Variants in POM121C observed in about 807,000 individuals in gnomAD.
POM121C encodes the protein nuclear envelope pore membrane protein POM 121C.
POM121C carries 20 observed loss-of-function variants against 66.4 expected under a neutral mutation model. The ratio of observed to expected loss-of-function variants is 0.30; its 90% CI spans 0.21 to 0.44. The LOEUF is 0.44. Ranked by LOEUF, POM121C falls within the 20% of genes least tolerant of loss-of-function variation. The pLI is 1.00. For synonymous variants in POM121C, 286 were observed against 528.0 expected, an observed-to-expected ratio of 0.54 and a Z score of 6.28; for missense variants, 580 against 1,225.7, an observed-to-expected ratio of 0.47 and a Z score of 7.87.
chr7:75,424,660 A>G (rs1554471448), intron 10 of POM121C, 32 bp from the exon 11 acceptor site: 4 of 1,612,598 alleles, frequency 2.5e-6, no homozygotes, highest in Non-Finnish European at 2.5e-6. Context: ...AGTCAGGCCA[A>G]TCAGAAAAAA....
rs1554473927 is a variant in POM121C at position 75,441,221 on chromosome 7, T to G, written c.66-106A>C. ...ACAGGCCAAAGTATAATTTATACACTCACAACAGTTCCCCTTAGCAAGTAA... is the reference window on the plus strand; with the variant it reads ...ACAGGCCAAAGTATAATTTATACACGCACAACAGTTCCCCTTAGCAAGTAA... On this transcript the variant is annotated intron_variant, in intron 4 of 14. Coordinates refer to ENST00000615331, the MANE Select transcript of POM121C (RefSeq NM_001099415.3). 2.3e-5 allele frequency: 35 copies of G among 1,515,184 alleles called. No homozygotes were observed. In the South Asian group the frequency reaches 4.3e-4, roughly 19 times the overall value. 93.9% of individuals were successfully genotyped at this position (1,515,184 alleles called of 1,614,324 possible). A position where few individuals can be genotyped will look rare whatever the true frequency, so the allele number is the denominator to read the frequency against.
At chr7:75,454,453 G>A (rs1312121547) in intron 3 of POM121C, among the ~76,000 whole-genome samples, 7 of 152,172 alleles carry the variant, frequency 4.6e-5, no homozygotes, top group African/African-American at 1.7e-4. Context: ...ACTGGTGCAG[G>A]AGGAGAGAGA....
At chr7:75,439,662 A>G (rs1193583983) in intron 5 of POM121C, among the ~76,000 whole-genome samples, 4 of 152,180 alleles carry the variant, frequency 2.6e-5, no homozygotes, top group Admixed American at 1.3e-4. Flanking sequence ...TTAGGAGTAC[A>G]GGCATGCACC....
At chr7:75,456,411 G>A (rs1386290964) in intron 3 of POM121C, among the ~76,000 whole-genome samples, 1,249 of 147,366 alleles carry the variant, frequency 8.5e-3, no homozygotes, top group African/African-American at 0.031. Context: ...TCTCCTACAT[G>A]CTTGCCACAC....
At chr7:75,473,489 GA>G (rs1174126621) in intron 3 of POM121C, among the ~76,000 whole-genome samples, 3 of 152,124 alleles carry the variant, frequency 2.0e-5, no homozygotes, top group African/African-American at 7.2e-5. Context: ...GAGCATTGGG[GA>G]AAGAGGGGAA....
intron 3 of POM121C, among the ~76,000 whole-genome samples, chr7:75,461,874 CAAGGGA>C (rs1331434452): frequency 6.6e-6 from 1 of 151,168 alleles, no homozygotes; most frequent in Admixed American, 6.6e-5. Context: ...GAGTGAGTCG[CAAGGGA>C]AACTGGAAAA....
chr7:75,428,610 C>T (rs182232365), intron 7 of POM121C, among the ~76,000 whole-genome samples: 2 of 152,186 alleles, frequency 1.3e-5, no homozygotes, highest in Admixed American at 6.5e-5. Context: ...TAAAACAAAA[C>T]CATAAACCTT....
At chr7:75,456,549 C>A (rs1458536106) in intron 3 of POM121C, among the ~76,000 whole-genome samples, 5 of 152,174 alleles carry the variant, frequency 3.3e-5, no homozygotes, top group Non-Finnish European at 7.3e-5. Context: ...CTGGAGAGGT[C>A]GCACGAGCCA....
chr7:75,428,355 G>C (rs587739725), intron 7 of POM121C, among the ~76,000 whole-genome samples: 21 of 152,288 alleles, frequency 1.4e-4, no homozygotes, highest in African/African-American at 5.1e-4. Flanking sequence ...GGCCAGGATG[G>C]TCTTGATCTC....
At chr7:75,431,074 CAAAAAAAAAAAA>C (rs34253601) in intron 7 of POM121C, among the ~76,000 whole-genome samples, 77 of 59,726 alleles carry the variant, frequency 1.3e-3, no homozygotes, top group Non-Finnish European at 6.4e-4. Context: ...GACTCTGTCT[CAAAAAAAAAAAA>C]AAAAAAAAAA....
intron 3 of POM121C, among the ~76,000 whole-genome samples, chr7:75,468,126 T>TAAAAAAAAAAAAAAA (rs368723160): frequency 1.2e-4 from 8 of 64,354 alleles, no homozygotes; most frequent in Admixed American, 2.4e-4. Flanking sequence ...AGACTCTGTC[T>TAAAAAAAAAAAAAAA]AAAAAAAAAA....
intron 6 of POM121C, among the ~76,000 whole-genome samples, chr7:75,438,771 C>T (rs1790515957): frequency 6.6e-6 from 1 of 152,202 alleles, no homozygotes; most frequent in African/African-American, 2.4e-5. Flanking sequence ...TTTTGAGCCA[C>T]TTTCCTTTCC....
chr7:75,443,389 G>C (rs1790734080), intron 3 of POM121C, among the ~76,000 whole-genome samples: 1 of 152,202 alleles, frequency 6.6e-6, no homozygotes, highest in South Asian at 2.1e-4. Context: ...GTTGGCGGTT[G>C]CACCACCCTA....
In POM121C at chr7:75,449,875, C is replaced by T. The variant is rs183710414; in HGVS notation, c.-151-8228G>A. On this transcript the variant is annotated intron_variant, in intron 3 of 14. Transcript: ENST00000615331. Reference sequence around the variant, plus strand: ...ACTAAAAATACAAAAATTAGCCAGGCGTGGTGGCAGGTGCCTGTAATCCCA... The same window carrying T: ...ACTAAAAATACAAAAATTAGCCAGGTGTGGTGGCAGGTGCCTGTAATCCCA... Among the ~76,000 whole-genome samples, 912 of 152,106 alleles carry T rather than the reference C, an allele frequency of 6.0e-3. 21 individuals are homozygous for T. Among genetic ancestry groups the T allele is most frequent in the East Asian group, 0.042 (215 of 5,124 alleles).
chr7:75,476,290 CAA>C (rs11426718), intron 1 of POM121C, among the ~76,000 whole-genome samples: 8 of 116,502 alleles, frequency 6.9e-5, no homozygotes, highest in Middle Eastern at 4.6e-3. Flanking sequence ...GACCTTGTCT[CAA>C]AAAAAAAAAA....
At chr7:75,450,097 T>TGTAA (rs1554475391) in intron 3 of POM121C, among the ~76,000 whole-genome samples, 1 of 152,126 alleles carries the variant, frequency 6.6e-6, no homozygotes, top group Non-Finnish European at 1.5e-5. Flanking sequence ...GGCAGCTATC[T>TGTAA]GCAAGCCAAT....
chr7:75,431,074 C>CAA (rs34253601), intron 7 of POM121C, among the ~76,000 whole-genome samples: 18 of 59,710 alleles, frequency 3.0e-4, no homozygotes, highest in East Asian at 6.2e-4. Context: ...GACTCTGTCT[C>CAA]AAAAAAAAAA....
chr7:75,433,836 G>A (rs587760852), intron 7 of POM121C, among the ~76,000 whole-genome samples: 1 of 152,258 alleles, frequency 6.6e-6, no homozygotes, highest in East Asian at 1.9e-4. Context: ...CCAGCTCCCT[G>A]AAAAGATAAC....
intron 7 of POM121C, among the ~76,000 whole-genome samples, chr7:75,433,629 G>C (rs1554472670): frequency 6.6e-6 from 1 of 152,140 alleles, no homozygotes; most frequent in African/African-American, 2.4e-5. Flanking sequence ...AAAGTGCTGG[G>C]ATTACAGGCG....
Sources: gnomAD v4.1 joint callset for allele counts (sites outside exome capture counted in the v4.1 genomes callset) on GRCh38, gnomAD v4.1.1 for gene constraint, MANE v1.5 for transcripts, NCBI Gene and HGNC (gene_info 2026-07-23, HGNC 2026-07-21) for gene names.